Variants in CLSTN2 observed in about 807,000 individuals in gnomAD.
CLSTN2 encodes the protein calsyntenin-2.
Under a neutral mutation model 101.2 loss-of-function variants are expected in CLSTN2, and 48 were observed. The ratio of observed to expected loss-of-function variants is 0.47; its 90% CI spans 0.38 to 0.60. The LOEUF (loss-of-function observed/expected upper bound fraction) is 0.60. Among genes scored for constraint, CLSTN2 ranks in the 20% least tolerant of loss-of-function variants. The probability of loss-of-function intolerance (pLI) is 0.00; values close to 1 mark genes in which losing one functional copy is unlikely to be tolerated. For missense variants in CLSTN2, 1,160 were observed against 1,238.2 expected, an observed-to-expected ratio of 0.94 and a Z score of 0.95; for synonymous variants, 481 against 463.6, an observed-to-expected ratio of 1.04 and a Z score of -0.48.
intron 2 of CLSTN2, among the ~76,000 whole-genome samples, chr3:140,219,610 G>A (rs529394979): frequency 2.0e-5 from 3 of 152,246 alleles, no homozygotes; most frequent in African/African-American, 7.2e-5. Flanking sequence ...AAATACAGTG[G>A]GAGGCCTCCT....
At chr3:140,389,134 A>G (rs2088084368) in intron 2 of CLSTN2, among the ~76,000 whole-genome samples, 1 of 30,460 alleles carries the variant, frequency 3.3e-5, no homozygotes, top group African/African-American at 1.4e-4. Flanking sequence ...GAGCTCTTTA[A>G]TTTTCTTTCT....
chr3:140,187,970 A>G (rs2010506551), intron 2 of CLSTN2, among the ~76,000 whole-genome samples: 1 of 152,134 alleles, frequency 6.6e-6, no homozygotes, highest in African/African-American at 2.4e-5. Flanking sequence ...ATCCTTGAGT[A>G]GCATTCCTTT....
At chr3:140,412,801 G>A (rs769404180) in intron 4 of CLSTN2, among the ~76,000 whole-genome samples, 11 of 152,066 alleles carry the variant, frequency 7.2e-5, no homozygotes, top group Non-Finnish European at 1.5e-4. Context: ...CAACAAATGG[G>A]TCAAAGAAGA....
intron 1 of CLSTN2, among the ~76,000 whole-genome samples, chr3:140,063,362 C>T (rs767184722): frequency 6.6e-6 from 1 of 152,140 alleles, no homozygotes. Flanking sequence ...GTGGTGTCTG[C>T]TTTTGCAAGA....
At chr3:140,004,032 T>C (rs2006906004) in intron 1 of CLSTN2, among the ~76,000 whole-genome samples, 1 of 152,174 alleles carries the variant, frequency 6.6e-6, no homozygotes, top group South Asian at 2.1e-4. Flanking sequence ...GCTAATATTA[T>C]TTTCCACAAG....
At chr3:140,366,512 A>T (rs755155953) in intron 2 of CLSTN2, among the ~76,000 whole-genome samples, 3 of 152,238 alleles carry the variant, frequency 2.0e-5, no homozygotes, top group South Asian at 2.1e-4. Flanking sequence ...TTTCAGACAG[A>T]GGTGCCTGAG....
At chr3:140,338,602 C>T (rs2087464399) in intron 2 of CLSTN2, among the ~76,000 whole-genome samples, 1 of 152,176 alleles carries the variant, frequency 6.6e-6, no homozygotes, top group South Asian at 2.1e-4. Context: ...GAACGGTGCA[C>T]TCAGAATTGT....
At chr3:140,428,800 A>C (rs941479286) in intron 5 of CLSTN2, among the ~76,000 whole-genome samples, 1 of 152,210 alleles carries the variant, frequency 6.6e-6, no homozygotes, top group Non-Finnish European at 1.5e-5. Flanking sequence ...TAATTCTCCA[A>C]GTGCGTCAAA....
chr3:140,469,243 C>T (rs902026907), intron 8 of CLSTN2, among the ~76,000 whole-genome samples: 3 of 152,178 alleles, frequency 2.0e-5, no homozygotes, highest in African/African-American at 7.2e-5. Context: ...CCATAGCATT[C>T]CTCTACTAAA....
At chr3:140,132,222 C>T (rs1345989539) in intron 1 of CLSTN2, among the ~76,000 whole-genome samples, 1 of 152,084 alleles carries the variant, frequency 6.6e-6, no homozygotes, top group Non-Finnish European at 1.5e-5. Context: ...AGGGGAAATG[C>T]CTTCCTCTGA....
intron 8 of CLSTN2, among the ~76,000 whole-genome samples, chr3:140,527,506 A>C (rs1240411171): frequency 6.6e-6 from 1 of 152,238 alleles, no homozygotes; most frequent in Non-Finnish European, 1.5e-5. Context: ...TATGGAAAGC[A>C]GTTTGGAAAT....
chr3:140,205,381 G>T (rs564008351), intron 2 of CLSTN2, among the ~76,000 whole-genome samples: 11 of 152,100 alleles, frequency 7.2e-5, no homozygotes, highest in African/African-American at 2.7e-4. Context: ...TAGATAAGAA[G>T]ACAAAACAGA....
At chr3:139,947,524 G>C (rs1224738846) in intron 1 of CLSTN2, among the ~76,000 whole-genome samples, 1 of 152,220 alleles carries the variant, frequency 6.6e-6, no homozygotes, top group Admixed American at 6.5e-5. Flanking sequence ...GATATTTTAA[G>C]AGTTTTCTTT....
intron 2 of CLSTN2, among the ~76,000 whole-genome samples, chr3:140,374,293 C>T (rs2087890715): frequency 1.3e-5 from 2 of 152,110 alleles, no homozygotes; most frequent in Non-Finnish European, 2.9e-5. Context: ...TTCCCATCTC[C>T]TCCTCCTTTT....
chr3:140,255,060 C>G (rs1486501449), intron 2 of CLSTN2, among the ~76,000 whole-genome samples: 1 of 152,088 alleles, frequency 6.6e-6, no homozygotes, highest in Non-Finnish European at 1.5e-5. Context: ...TGCTTCATAT[C>G]AGTAATCATT....
intron 2 of CLSTN2, among the ~76,000 whole-genome samples, chr3:140,353,935 G>C (rs774404812): frequency 6.6e-6 from 1 of 152,174 alleles, no homozygotes; most frequent in African/African-American, 2.4e-5. Context: ...AGACCATAGA[G>C]GTGCTGAACT....
chr3:140,430,173 T>G (rs1040121369), intron 5 of CLSTN2, among the ~76,000 whole-genome samples: 1 of 152,190 alleles, frequency 6.6e-6, no homozygotes, highest in Non-Finnish European at 1.5e-5. Context: ...TAAAGAAGGA[T>G]TCTTGCCCTC....
intron 1 of CLSTN2, among the ~76,000 whole-genome samples, chr3:139,984,701 C>T (rs1007791999): frequency 6.6e-6 from 1 of 152,166 alleles, no homozygotes; most frequent in African/African-American, 2.4e-5. Flanking sequence ...GCTCTGCTTA[C>T]ATGACTCCCT....
intron 2 of CLSTN2, among the ~76,000 whole-genome samples, chr3:140,393,926 G>C (rs771607287): frequency 6.6e-6 from 1 of 152,108 alleles, no homozygotes; most frequent in African/African-American, 2.4e-5. Context: ...TGTTTTCATT[G>C]CTCTCTTCCT....
Sources: gnomAD v4.1 joint callset for allele counts (sites outside exome capture counted in the v4.1 genomes callset) on GRCh38, gnomAD v4.1.1 for gene constraint, MANE v1.5 for transcripts, NCBI Gene and HGNC (gene_info 2026-07-23, HGNC 2026-07-21) for gene names.